Variants in UBASH3B observed in about 807,000 individuals in gnomAD.
UBASH3B encodes ubiquitin associated and SH3 domain containing B, also known as ubiquitin-associated and SH3 domain-containing protein B.
Under a neutral mutation model 83.4 loss-of-function variants are expected in UBASH3B, and 37 were observed. That is an observed-to-expected ratio of 0.44 (90% CI 0.34 to 0.58). UBASH3B has a LOEUF of 0.58. Among genes scored for constraint, UBASH3B ranks in the 20% least tolerant of loss-of-function variants. The probability of loss-of-function intolerance (pLI) is 0.01; values close to 1 mark genes in which losing one functional copy is unlikely to be tolerated. For missense variants in UBASH3B, 657 were observed against 827.2 expected (o/e 0.79, Z 2.52); for synonymous variants, 304 against 318.3 (o/e 0.96, Z 0.48).
intron 11 of UBASH3B, among the ~76,000 whole-genome samples, chr11:122,804,487 G>T (rs1861305406): frequency 6.6e-6 from 1 of 152,024 alleles, no homozygotes; most frequent in South Asian, 2.1e-4. Flanking sequence ...TAGAGGATCG[G>T]CTCACAGGCC....
chr11:122,734,935 G>GT (rs11389133), intron 1 of UBASH3B, among the ~76,000 whole-genome samples: 50,250 of 151,906 alleles, frequency 0.33, 9,394 homozygotes, highest in Middle Eastern at 0.5. Context: ...CCTTATCACA[G>GT]TTTTTTCTAA....
chr11:122,745,213 A>G (rs11218792), intron 1 of UBASH3B, among the ~76,000 whole-genome samples: 82,662 of 152,126 alleles, frequency 0.54, 23,845 homozygotes, highest in Middle Eastern at 0.68. Flanking sequence ...CCAAAAATGC[A>G]TTCCTGAGAA....
At chr11:122,773,104 C>G (rs1438642608) in intron 1 of UBASH3B, among the ~76,000 whole-genome samples, 1 of 152,194 alleles carries the variant, frequency 6.6e-6, no homozygotes, top group Non-Finnish European at 1.5e-5. Context: ...AACTCTCTGC[C>G]AAGTCCTGAG....
chr11:122,731,668 T>C (rs1860846468), intron 1 of UBASH3B, among the ~76,000 whole-genome samples: 1 of 152,222 alleles, frequency 6.6e-6, no homozygotes, highest in Non-Finnish European at 1.5e-5. Context: ...CAAGATTTTA[T>C]CATGCTACCC....
intron 1 of UBASH3B, among the ~76,000 whole-genome samples, chr11:122,692,677 A>G (rs1215220502): frequency 6.6e-6 from 1 of 152,252 alleles, no homozygotes; most frequent in Non-Finnish European, 1.5e-5. Flanking sequence ...AGGGAAAGAC[A>G]GGGTTTGTCT....
chr11:122,728,262 G>C (rs1295567943), intron 1 of UBASH3B, among the ~76,000 whole-genome samples: 2 of 152,204 alleles, frequency 1.3e-5, no homozygotes, highest in Non-Finnish European at 2.9e-5. Flanking sequence ...ATTTCTGTGG[G>C]CTTCCCTAGG....
intron 1 of UBASH3B, among the ~76,000 whole-genome samples, chr11:122,748,593 T>C (rs1277365886): frequency 6.6e-6 from 1 of 152,230 alleles, no homozygotes; most frequent in Non-Finnish European, 1.5e-5. Flanking sequence ...CTACAAAGCA[T>C]TTCTTGACAT....
rs571788008 is a variant in UBASH3B at position 122,759,398 on chromosome 11, G to A, written c.162-16821G>A. ...TGGAAGACAGTTTTTCCACTGACCC[G>A]GGTGGTGGTGTGATGGTTTGGGGAT... On this transcript the variant is annotated intron_variant, in intron 1 of 13. Coordinates refer to ENST00000284273, the MANE Select transcript of UBASH3B (RefSeq NM_032873.5). This position sits in a 1 kb window ranked among gnomAD's most constrained non-coding sequence, Gnocchi z 4.1. Among the ~76,000 whole-genome samples the A allele has an allele frequency of 6.6e-6, 1 of 152,302 alleles. No individual in the cohort carries two copies. The highest frequency in any genetic ancestry group is 2.1e-4 in the South Asian group (1 of 4,822).
At chr11:122,676,257 T>A (rs1863666467) in intron 1 of UBASH3B, among the ~76,000 whole-genome samples, 2 of 151,536 alleles carry the variant, frequency 1.3e-5, no homozygotes, top group Admixed American at 1.3e-4. Flanking sequence ...ATACAACAAC[T>A]GGCTGGGCAG....
At chr11:122,793,964 A>C (rs1265252084) in intron 6 of UBASH3B, among the ~76,000 whole-genome samples, 2 of 152,056 alleles carry the variant, frequency 1.3e-5, no homozygotes, top group Non-Finnish European at 2.9e-5. Context: ...ACCCCCCATC[A>C]CTCTTCACTT....
chr11:122,666,022 G>A (rs186106124), intron 1 of UBASH3B, among the ~76,000 whole-genome samples: 1 of 152,214 alleles, frequency 6.6e-6, no homozygotes, highest in Non-Finnish European at 1.5e-5. Flanking sequence ...CAGGACCAAG[G>A]CTGTTCTCGT....
At position 122,663,711 on chromosome 11, in the gene UBASH3B, C is replaced by A. The variant is rs12805800; in HGVS notation, c.161+7501C>A. On this transcript the variant is annotated intron_variant, in intron 1 of 13. Coordinates refer to ENST00000284273, the MANE Select transcript of UBASH3B (RefSeq NM_032873.5). ...TTGGCCATCCAGAAGCTGAAGAGAC[C>A]CCATCATTATCTGCCCCATCCATCC... 3.5e-3 allele frequency among the ~76,000 whole-genome samples: 540 copies of A among 152,258 alleles called. 2 individuals are homozygous for A. In the Middle Eastern group the frequency reaches 0.041, roughly 12 times the overall value.
At chr11:122,731,868 C>T (rs530416577) in intron 1 of UBASH3B, among the ~76,000 whole-genome samples, 1 of 152,280 alleles carries the variant, frequency 6.6e-6, no homozygotes, top group South Asian at 2.1e-4. Flanking sequence ...TTTTTGTACC[C>T]AGACATGTCC....
rs1861350681 is a variant in UBASH3B, at chr11:122,806,900, T to C, written c.1702+384T>C. 6.6e-6 allele frequency among the ~76,000 whole-genome samples: 1 copy of C among 152,216 alleles called. No homozygotes were observed. Among genetic ancestry groups the C allele is most frequent in the Non-Finnish European group, 1.5e-5 (1 of 68,038 alleles). ...ACACAAACACATACACCTTCCCTGC[T>C]ATCACCAACCAAGAGCAGTGTTGTA... On this transcript the variant is annotated intron_variant, in intron 12 of 13. Transcript: ENST00000284273. This position sits in a 1 kb window ranked among gnomAD's most constrained non-coding sequence, Gnocchi z 4.0.
chr11:122,656,285 C>A, intron 1 of UBASH3B, 75 bp downstream of exon 1: 1 of 1,269,992 alleles, frequency 7.9e-7, no homozygotes, highest in Non-Finnish European at 1.0e-6. Context: ...CTCCGGCTCG[C>A]CTCCCAGCGC....
At chr11:122,775,295 A>T (rs1180967786) in intron 1 of UBASH3B, among the ~76,000 whole-genome samples, 1 of 152,232 alleles carries the variant, frequency 6.6e-6, no homozygotes, top group African/African-American at 2.4e-5. Context: ...CTCCACTTGT[A>T]AGTTTGTACA....
chr11:122,708,365 C>T (rs577741243), intron 1 of UBASH3B, among the ~76,000 whole-genome samples: 28 of 147,930 alleles, frequency 1.9e-4, no homozygotes, highest in African/African-American at 6.4e-4. Context: ...AATCTCGGCT[C>T]ACTGCAACCT....
At chr11:122,751,794 C>A (rs1461733656) in intron 1 of UBASH3B, among the ~76,000 whole-genome samples, 1 of 152,196 alleles carries the variant, frequency 6.6e-6, no homozygotes, top group African/African-American at 2.4e-5. Context: ...GGAAACTGTG[C>A]TCCACATCAC....
At chr11:122,676,992 T>C (rs1010416277) in intron 1 of UBASH3B, among the ~76,000 whole-genome samples, 1 of 152,202 alleles carries the variant, frequency 6.6e-6, no homozygotes, top group Non-Finnish European at 1.5e-5. Flanking sequence ...ATTTTTCTCT[T>C]AGATGAAATG....
Sources: gnomAD v4.1 joint callset for allele counts (sites outside exome capture counted in the v4.1 genomes callset) on GRCh38, gnomAD v4.1.1 for gene constraint, Gnocchi (gnomAD v3.1) non-coding constraint, MANE v1.5 for transcripts, NCBI Gene and HGNC (gene_info 2026-07-23, HGNC 2026-07-21) for gene names.